STON2: variants seen among roughly 807,000 people sequenced by gnomAD.
The protein encoded by STON2 is stonin 2, also known as stonin-2.
STON2 carries 29 observed loss-of-function variants against 65.7 expected under a neutral mutation model. The observed-to-expected ratio is 0.44, with a 90% confidence interval of 0.33 to 0.60. The LOEUF is 0.60. Among genes scored for constraint, STON2 ranks in the 20% least tolerant of loss-of-function variants. STON2 has a pLI of 0.03. For missense variants in STON2, 1,054 were observed against 1,118.1 expected, an observed-to-expected ratio of 0.94 and a Z score of 0.82; for synonymous variants, 404 against 414.2, an observed-to-expected ratio of 0.98 and a Z score of 0.30.
At chr14:81,416,002 G>C (rs1219117584) in intron 2 of STON2, among the ~76,000 whole-genome samples, 1 of 152,108 alleles carries the variant, frequency 6.6e-6, no homozygotes, top group Non-Finnish European at 1.5e-5. Context: ...GCCCGGGGAG[G>C]CTTCCTGGAA....
At chr14:81,369,465 T>C (rs1306880045) in intron 4 of STON2, among the ~76,000 whole-genome samples, 6 of 152,156 alleles carry the variant, frequency 3.9e-5, no homozygotes, top group African/African-American at 9.7e-5. Flanking sequence ...AGCCTCAGCA[T>C]AGAAATCTTG....
chr14:81,275,169 CT>C (rs2140112141), intron 6 of STON2, among the ~76,000 whole-genome samples: 1 of 152,154 alleles, frequency 6.6e-6, no homozygotes, highest in Non-Finnish European at 1.5e-5. Flanking sequence ...TCATGCAGTA[CT>C]TTTAAATGTT....
rs543124434 is a variant in STON2 at position 81,314,870 on chromosome 14, G to C, written c.742+9147C>G. 2.0e-5 allele frequency among the ~76,000 whole-genome samples: 3 copies of C among 151,918 alleles called. No homozygotes were observed. The East Asian group carries it at 5.8e-4, about 29-fold the overall frequency. ...TGTTTTTTTTTGTTTTGTTTTTAGAGACGGGGGTATTACTCTGTTGCCCAA... is the reference window on the plus strand; with the variant it reads ...TGTTTTTTTTTGTTTTGTTTTTAGACACGGGGGTATTACTCTGTTGCCCAA... On this transcript the variant is annotated intron_variant, in intron 5 of 7. Coordinates refer to ENST00000614646, the MANE Select transcript of STON2 (RefSeq NM_001394390.1).
At chr14:81,374,071 T>C (rs1368246959) in intron 3 of STON2, among the ~76,000 whole-genome samples, 1 of 131,424 alleles carries the variant, frequency 7.6e-6, no homozygotes, top group Non-Finnish European at 1.5e-5. Context: ...AGTGTAGTGG[T>C]GCAATCCCAG....
At chr14:81,350,482 G>GA (rs11372023) in intron 4 of STON2, among the ~76,000 whole-genome samples, 41,246 of 138,616 alleles carry the variant, frequency 0.3, 9,199 homozygotes, top group African/African-American at 0.62. Flanking sequence ...TTCAGAAGAA[G>GA]AAAAAAAAAA....
rs2140165142 is a variant in STON2 at position 81,294,484 on chromosome 14, A to T, written c.743-15745T>A. ...ACCTACTAGCTCTGTGACCTTGTGT[A>T]AGTTACTTAAATGTACTAGGCCTCC... On this transcript the variant is annotated intron_variant, in intron 5 of 7. Coordinates refer to ENST00000614646, the MANE Select transcript of STON2 (RefSeq NM_001394390.1). Among the ~76,000 whole-genome samples, 2 of 152,316 alleles carry T rather than the reference A, an allele frequency of 1.3e-5. 1 individual carries two copies. The highest frequency in any genetic ancestry group is 4.1e-4 in the South Asian group (2 of 4,828).
At position 81,262,399 on chromosome 14, in the gene STON2, T is replaced by C; in HGVS notation, c.*6015A>G. ...AGAGTAGACATTTGATAAATATTTG[T>C]TGAGTTGAATTAATCCTGCCATCTA... On this transcript the variant is annotated 3_prime_UTR_variant, in exon 8 of 8. Transcript: ENST00000614646. 2.0e-6 allele frequency: 2 copies of C among 985,260 alleles called. No individual in the cohort carries two copies. The highest frequency in any genetic ancestry group is 2.4e-6 in the Non-Finnish European group (2 of 829,770). 61.0% of individuals were successfully genotyped at this position (985,260 alleles called of 1,614,324 possible).
intron 5 of STON2, among the ~76,000 whole-genome samples, chr14:81,318,090 C>T (rs1052776041): frequency 6.6e-5 from 10 of 152,040 alleles, no homozygotes; most frequent in South Asian, 2.1e-4. Context: ...CTCAGCCTCC[C>T]GAGTAGCTAG....
intron 3 of STON2, 75 bp from the exon 4 acceptor site, chr14:81,371,260 T>A (rs1898978932): frequency 7.3e-7 from 1 of 1,371,142 alleles, no homozygotes; most frequent in Non-Finnish European, 1.0e-6. Flanking sequence ...CTTATCTTAC[T>A]TTGATGTTGC....
chr14:81,312,543 A>G (rs1214265809), intron 5 of STON2, among the ~76,000 whole-genome samples: 1 of 152,218 alleles, frequency 6.6e-6, no homozygotes, highest in Non-Finnish European at 1.5e-5. Flanking sequence ...AAGAAGTTGT[A>G]CCTTCTAATT....
chr14:81,336,331 A>G (rs1017777161), intron 4 of STON2, among the ~76,000 whole-genome samples: 8 of 152,102 alleles, frequency 5.3e-5, no homozygotes, highest in African/African-American at 1.7e-4. Flanking sequence ...TTCCAGGAAG[A>G]AACTAAGGCT....
At chr14:81,340,426 C>T (rs1897561870) in intron 4 of STON2, among the ~76,000 whole-genome samples, 1 of 152,102 alleles carries the variant, frequency 6.6e-6, no homozygotes, top group Non-Finnish European at 1.5e-5. Context: ...TCATGAAACT[C>T]CACTCCTGAA....
At chr14:81,397,623 T>C (rs959147068) in intron 2 of STON2, among the ~76,000 whole-genome samples, 13 of 152,188 alleles carry the variant, frequency 8.5e-5, no homozygotes, top group African/African-American at 3.1e-4. Context: ...CTGGTAGCTG[T>C]AGTAGAACAG....
Position 81,390,911 on chromosome 14 carries a change from T to C in STON2, c.373+4983A>G, listed in dbSNP as rs956655205. On this transcript the variant is annotated intron_variant, in intron 3 of 7. Transcript: ENST00000614646. ...CTTGTATCTTGCAGCTTCTGGTGGCTGCCGGCATTCCTTGGCTGTGGCTTC... is the reference window on the plus strand; with the variant it reads ...CTTGTATCTTGCAGCTTCTGGTGGCCGCCGGCATTCCTTGGCTGTGGCTTC... Among the ~76,000 whole-genome samples the C allele has an allele frequency of 5.3e-5, 8 of 152,258 alleles. No homozygotes were observed. In the South Asian group the frequency reaches 1.0e-3, roughly 20 times the overall value.
chr14:81,290,689 T>A (rs1013478684), intron 5 of STON2, among the ~76,000 whole-genome samples: 1 of 152,164 alleles, frequency 6.6e-6, no homozygotes, highest in East Asian at 1.9e-4. Context: ...AAAACTCATG[T>A]TCTTTATGTG....
intron 5 of STON2, among the ~76,000 whole-genome samples, chr14:81,304,203 A>T (rs1023692137): frequency 6.6e-6 from 1 of 152,150 alleles, no homozygotes; most frequent in Non-Finnish European, 1.5e-5. Context: ...ACATTTTTAG[A>T]TTCCCCCACA....
intron 6 of STON2, among the ~76,000 whole-genome samples, chr14:81,273,502 T>A (rs1894679715): frequency 6.6e-6 from 1 of 152,156 alleles, no homozygotes; most frequent in South Asian, 2.1e-4. Flanking sequence ...TGGCAGATGA[T>A]CTGTGGAAGC....
intron 5 of STON2, among the ~76,000 whole-genome samples, chr14:81,303,732 G>T (rs1896061240): frequency 6.6e-6 from 1 of 152,142 alleles, no homozygotes; most frequent in African/African-American, 2.4e-5. Flanking sequence ...CCAAGGGGAG[G>T]TATATTTACA....
intron 3 of STON2, among the ~76,000 whole-genome samples, chr14:81,374,299 G>C (rs752391866): frequency 6.6e-6 from 1 of 151,332 alleles, no homozygotes; most frequent in Non-Finnish European, 1.5e-5. Context: ...GATTACAGGC[G>C]TGAGCCACCA....
Sources: allele counts gnomAD v4.1 joint callset (sites outside exome capture counted in the v4.1 genomes callset), GRCh38; gene constraint gnomAD v4.1.1; transcripts MANE v1.5; gene names NCBI Gene and HGNC (gene_info 2026-07-23, HGNC 2026-07-21).